GATAD2B: variants seen among roughly 807,000 people sequenced by gnomAD.
GATAD2B encodes GATA zinc finger domain containing 2B, also known as transcriptional repressor p66-beta.
In GATAD2B, 8 loss-of-function variants were observed where a neutral mutation model predicts 64.3. The ratio of observed to expected loss-of-function variants is 0.12; its 90% CI spans 0.07 to 0.22. The LOEUF (loss-of-function observed/expected upper bound fraction) is 0.22, where lower values mean the gene tolerates loss of function less well. Among genes scored for constraint, GATAD2B ranks in the 10% least tolerant of loss-of-function variants. The pLI, the probability that GATAD2B is intolerant of heterozygous loss-of-function variation, is 1.00. For missense variants in GATAD2B, 453 were observed against 752.0 expected (o/e 0.60, Z 4.65); for synonymous variants, 281 against 271.3 (o/e 1.04, Z -0.35).
At chr1:153,858,087 T>A (rs576993463) in intron 1 of GATAD2B, among the ~76,000 whole-genome samples, 1 of 152,182 alleles carries the variant, frequency 6.6e-6, no homozygotes, top group Non-Finnish European at 1.5e-5. Flanking sequence ...ACTTCAAGAA[T>A]AGGATCAAGG....
rs559398163 is a variant in GATAD2B, at chr1:153,816,664, A to C, written c.901-76T>G. 2.1e-6 allele frequency: 2 copies of C among 952,952 alleles called. No individual in the cohort carries two copies. Among genetic ancestry groups the C allele is most frequent in the East Asian group, 5.0e-5 (2 of 39,778 alleles). The allele number at this position is 952,952 out of a possible 1,614,324, so 59.0% of individuals were successfully genotyped here. ...AATTCTTACGTTCTTGGCAGAGGAC[A>C]CTGTCTGATCCTGGTTTGGACTACT... On this transcript the variant is annotated intron_variant, in intron 6 of 10. Transcript: ENST00000368655. The surrounding 1 kb of genome is among the most constrained non-coding windows in gnomAD (Gnocchi z 4.9).
At chr1:153,858,123 T>C (rs1269681963) in intron 1 of GATAD2B, among the ~76,000 whole-genome samples, 1 of 152,234 alleles carries the variant, frequency 6.6e-6, no homozygotes, top group Non-Finnish European at 1.5e-5. Context: ...TTCTGAATTC[T>C]TCCCCCTTCC....
At chr1:153,852,393 G>T in intron 1 of GATAD2B, 1 of 807,972 alleles carries the variant, frequency 1.2e-6, no homozygotes. Flanking sequence ...CCTGACCTTG[G>T]ATGTTCTGTG....
intron 1 of GATAD2B, among the ~76,000 whole-genome samples, chr1:153,880,000 C>T (rs1264954573): frequency 1.3e-5 from 2 of 151,874 alleles, no homozygotes; most frequent in East Asian, 1.9e-4. Context: ...GAAAGAATAC[C>T]GCATTTTGAT....
At chr1:153,894,017 A>G (rs183098994) in intron 1 of GATAD2B, among the ~76,000 whole-genome samples, 8 of 151,256 alleles carry the variant, frequency 5.3e-5, no homozygotes, top group Admixed American at 1.3e-4. Flanking sequence ...TGGAACCACT[A>G]TATTAAACAC....
Position 153,807,044 on chromosome 1 carries a change from A to G in GATAD2B, c.*3133T>C, listed in dbSNP as rs1008173671. On this transcript the variant is annotated 3_prime_UTR_variant, in exon 11 of 11. Transcript: ENST00000368655. Reference sequence around the variant, plus strand: ...GGAGTTCAGATGCTGTGGTCAAATTATAAAATAAAATCGACAAATAAGAAC... The same window carrying G: ...GGAGTTCAGATGCTGTGGTCAAATTGTAAAATAAAATCGACAAATAAGAAC... The G allele has an allele frequency of 1.3e-5, 2 of 152,212 alleles. No individual in the cohort carries two copies. The highest frequency in any genetic ancestry group is 4.8e-5 in the African/African-American group (2 of 41,448). The allele number at this position is 152,212 out of a possible 1,614,324, so 9.4% of individuals were successfully genotyped here.
chr1:153,903,619 T>C (rs937597543), intron 1 of GATAD2B, among the ~76,000 whole-genome samples: 17 of 152,132 alleles, frequency 1.1e-4, no homozygotes, highest in South Asian at 4.1e-4. Flanking sequence ...AGTACAGAAT[T>C]TCTGTTAACA....
chr1:153,844,912 TAA>T (rs879602837), intron 1 of GATAD2B, among the ~76,000 whole-genome samples: 1 of 124,580 alleles, frequency 8.0e-6, no homozygotes, highest in Non-Finnish European at 1.8e-5. Context: ...TAAAGTATAA[TAA>T]AAAAAAAAAA....
chr1:153,884,083 G>A (rs1376321305), intron 1 of GATAD2B, among the ~76,000 whole-genome samples: 1 of 150,546 alleles, frequency 6.6e-6, no homozygotes, highest in Admixed American at 6.6e-5. Context: ...GACCACCTGA[G>A]GCCCGGAGTT....
chr1:153,818,710 A>T, intron 4 of GATAD2B, 81 bp downstream of exon 4: 1 of 1,318,974 alleles, frequency 7.6e-7, no homozygotes. Flanking sequence ...GAGCCACCCA[A>T]CTGAACCTAC....
At chr1:153,868,473 T>C (rs1335356289) in intron 1 of GATAD2B, among the ~76,000 whole-genome samples, 1 of 148,716 alleles carries the variant, frequency 6.7e-6, no homozygotes, top group Non-Finnish European at 1.5e-5. Flanking sequence ...GGGGTGGGGG[T>C]GGATGTGGTC....
chr1:153,844,101 G>C (rs1029754847), intron 1 of GATAD2B, among the ~76,000 whole-genome samples: 113 of 152,190 alleles, frequency 7.4e-4, no homozygotes, highest in African/African-American at 2.6e-3. Context: ...AGCAGAGAAA[G>C]CTGCAGAGAA....
chr1:153,898,306 C>CAAAAA (rs11373311), intron 1 of GATAD2B, among the ~76,000 whole-genome samples: 1 of 80,790 alleles, frequency 1.2e-5, no homozygotes, highest in Non-Finnish European at 2.4e-5. Context: ...CAGCCTGTCT[C>CAAAAA]AAAAAAAAAA....
intron 1 of GATAD2B, among the ~76,000 whole-genome samples, chr1:153,881,286 A>T (rs1450154624): frequency 6.6e-6 from 1 of 152,118 alleles, no homozygotes; most frequent in Non-Finnish European, 1.5e-5. Context: ...GGTAAGGGGG[A>T]GGCTAGAACC....
At chr1:153,826,239 GTGATCCACCCGCCTCA>G (rs1186429114) in intron 2 of GATAD2B, among the ~76,000 whole-genome samples, 4 of 151,722 alleles carry the variant, frequency 2.6e-5, no homozygotes, top group African/African-American at 7.3e-5. Context: ...TCCTGACCTC[GTGATCCACCCGCCTCA>G]TGATCCACCC....
At chr1:153,912,138 G>C (rs576799396) in intron 1 of GATAD2B, among the ~76,000 whole-genome samples, 2 of 152,252 alleles carry the variant, frequency 1.3e-5, no homozygotes, top group Non-Finnish European at 2.9e-5. Flanking sequence ...TATAATATTA[G>C]GTAGATTTAA....
intron 1 of GATAD2B, among the ~76,000 whole-genome samples, chr1:153,882,215 AG>A (rs1265674485): frequency 6.6e-6 from 1 of 152,120 alleles, no homozygotes; most frequent in East Asian, 1.9e-4. Context: ...AATGAGAGCT[AG>A]TTTCCTCTCA....
chr1:153,899,072 A>G (rs895969176), intron 1 of GATAD2B: 1 of 152,180 alleles, frequency 6.6e-6, no homozygotes, highest in Non-Finnish European at 1.5e-5. Context: ...GAACATTTCA[A>G]AGAAGACAAT....
chr1:153,874,682 T>A (rs913893496), intron 1 of GATAD2B, among the ~76,000 whole-genome samples: 3 of 151,208 alleles, frequency 2.0e-5, no homozygotes, highest in Non-Finnish European at 4.4e-5. Context: ...GTTCAAGCAA[T>A]TCTCCTGTCT....
Sources: gnomAD v4.1 joint callset for allele counts (sites outside exome capture counted in the v4.1 genomes callset) on GRCh38, gnomAD v4.1.1 for gene constraint, Gnocchi (gnomAD v3.1) non-coding constraint, MANE v1.5 for transcripts, NCBI Gene and HGNC (gene_info 2026-07-23, HGNC 2026-07-21) for gene names.